Variants in PCDHA10 observed in about 807,000 individuals in gnomAD.
PCDHA10 encodes protocadherin alpha 10.
A neutral mutation model predicts 61.2 loss-of-function variants in PCDHA10; 45 were observed. That is an observed-to-expected ratio of 0.74 (90% CI 0.58 to 0.94). The LOEUF (loss-of-function observed/expected upper bound fraction) is 0.94, where lower values mean the gene tolerates loss of function less well. Among genes scored for constraint, PCDHA10 ranks in the 40% least tolerant of loss-of-function variants. The probability of loss-of-function intolerance (pLI) is 0.00; values close to 1 mark genes in which losing one functional copy is unlikely to be tolerated. For missense variants in PCDHA10, 1,278 were observed against 1,236.2 expected (o/e 1.03, Z -0.51); for synonymous variants, 602 against 548.8 (o/e 1.10, Z -1.35).
chr5:141,011,237 A>G lies in PCDHA10; in HGVS notation c.*1300A>G, dbSNP rs562746586. Reference sequence around the variant, plus strand: ...GATTTTTCAATCTACTAATTCTGTGACTTGTCTTGGTGTGCTAGCCTACAC... The same window carrying G: ...GATTTTTCAATCTACTAATTCTGTGGCTTGTCTTGGTGTGCTAGCCTACAC... On this transcript the variant is annotated 3_prime_UTR_variant, in exon 4 of 4. Transcript: ENST00000307360. The G allele has an allele frequency of 6.5e-6, 1 of 153,754 alleles. No homozygotes were observed. Among genetic ancestry groups the G allele is most frequent in the South Asian group, 2.1e-4 (1 of 4,812 alleles). The allele number at this position is 153,754 out of a possible 1,614,324, so 9.5% of individuals were successfully genotyped here.
At chr5:140,883,570 G>T (rs1554178743) in intron 1 of PCDHA10, 1 of 1,614,098 alleles carries the variant, frequency 6.2e-7, no homozygotes, top group South Asian at 1.1e-5. Context: ...GCTCGCCTTC[G>T]CTGTGGGCCA....
chr5:140,869,750 A>T (rs1467855920), intron 1 of PCDHA10: 1 of 1,613,280 alleles, frequency 6.2e-7, no homozygotes, highest in Non-Finnish European at 8.5e-7. Context: ...ACAGCTACAG[A>T]CGGGGGAAAA....
rs2153691387 is a variant in PCDHA10, at chr5:140,951,014, G to C, written c.2389-27935G>C. Among the ~76,000 whole-genome samples the C allele has an allele frequency of 1.3e-5, 2 of 151,872 alleles. 1 individual carries two copies. Among genetic ancestry groups the C allele is most frequent in the Middle Eastern group, 6.8e-3 (2 of 294 alleles). On this transcript the variant is annotated intron_variant, in intron 1 of 3. Coordinates refer to ENST00000307360, the MANE Select transcript of PCDHA10 (RefSeq NM_018901.4). The stretch of plus-strand genomic sequence containing the variant: ...TTAGCTCCATTTTTCCCAAGATCAG[G>C]CAGTGAGTTTTAATTTCAAATATTA...
intron 1 of PCDHA10, among the ~76,000 whole-genome samples, chr5:140,945,145 T>C (rs1310475283): frequency 2.6e-5 from 4 of 152,128 alleles, no homozygotes; most frequent in African/African-American, 2.4e-5. Flanking sequence ...CAATAGCATT[T>C]CTATACACTA....
rs114851794 is a variant in PCDHA10, at chr5:140,908,247, A to G, written c.2388+49811A>G. ...GTCCTTAGTCTTCTCTTCCTCATCA[A>G]CTGATCATAGGGAACTCCCCATGAG... On this transcript the variant is annotated intron_variant, in intron 1 of 3. Coordinates refer to ENST00000307360, the MANE Select transcript of PCDHA10 (RefSeq NM_018901.4). Among the ~76,000 whole-genome samples, 435 of 152,170 alleles carry G rather than the reference A, an allele frequency of 2.9e-3. 1 individual carries two copies. Among genetic ancestry groups the G allele is most frequent in the African/African-American group, 9.6e-3 (400 of 41,506 alleles).
chr5:140,928,108 G>A (rs782166106), intron 1 of PCDHA10: 5 of 1,614,072 alleles, frequency 3.1e-6, no homozygotes, highest in Admixed American at 3.3e-5. Context: ...CCTGGACCGG[G>A]AGCAGATCAG....
At chr5:140,939,629 A>G (rs1250529725) in intron 1 of PCDHA10, among the ~76,000 whole-genome samples, 5 of 152,248 alleles carry the variant, frequency 3.3e-5, no homozygotes, top group African/African-American at 1.2e-4. Context: ...AAGAAAATCA[A>G]TAAGGGTACT....
chr5:140,877,663 C>T (rs1554169960), intron 1 of PCDHA10: 22 of 1,613,432 alleles, frequency 1.4e-5, no homozygotes, highest in Admixed American at 1.7e-5. Context: ...CACCGTGAGC[C>T]GGTGCGCGCC....
intron 1 of PCDHA10, chr5:140,928,163 C>A: frequency 6.2e-7 from 1 of 1,614,204 alleles, no homozygotes; most frequent in Non-Finnish European, 8.5e-7. Flanking sequence ...GGCTCACCCC[C>A]ACTTAGCACC....
rs550730996 is a variant in PCDHA10, at chr5:140,982,280, G to T, written c.2448-195G>T. The T allele has an allele frequency of 2.1e-5, 21 of 1,007,278 alleles. No homozygotes were observed. The Admixed American group carries it at 5.3e-4, about 25-fold the overall frequency. 62.4% of individuals were successfully genotyped at this position (1,007,278 alleles called of 1,614,324 possible). A position where few individuals can be genotyped will look rare whatever the true frequency, so the allele number is the denominator to read the frequency against. ...GTGTGTTCCTGGAATAGTATAGCAGGCAATAAGTAAGTCAGCAATGCTTCT... is the reference window on the plus strand; with the variant it reads ...GTGTGTTCCTGGAATAGTATAGCAGTCAATAAGTAAGTCAGCAATGCTTCT... On this transcript the variant is annotated intron_variant, in intron 2 of 3. Transcript: ENST00000307360.
intron 1 of PCDHA10, chr5:140,863,757 G>A (rs2048159267): frequency 4.1e-6 from 1 of 243,012 alleles, no homozygotes; most frequent in Non-Finnish European, 8.1e-6. Context: ...CCGGCACTTT[G>A]GGAAGCCGAG....
chr5:140,928,643 T>C (rs2085399261), intron 1 of PCDHA10: 7 of 1,614,222 alleles, frequency 4.3e-6, no homozygotes, highest in Non-Finnish European at 5.9e-6. Context: ...ACAAAAGTGG[T>C]AGCAGAGGAT....
intron 1 of PCDHA10, chr5:140,967,013 G>A: frequency 1.9e-6 from 3 of 1,606,874 alleles, no homozygotes; most frequent in Non-Finnish European, 2.5e-6. Flanking sequence ...CAACCATCTG[G>A]GTGCGCCCAG....
intron 1 of PCDHA10, among the ~76,000 whole-genome samples, chr5:140,977,932 C>T (rs2096781582): frequency 6.6e-6 from 1 of 151,944 alleles, no homozygotes; most frequent in Non-Finnish European, 1.5e-5. Flanking sequence ...TCAACTATAC[C>T]TCAATATTCA....
rs1031755500 is a variant in PCDHA10 at position 140,856,096 on chromosome 5, G to T, written c.48G>T (p.Ser16=). ...TGGGGGTCCAGTGTCTGCTGCTCTC[G>T]CTTCTTCTCCTCGCAGCCTGGGAGG... ...SCLGVQCLLL[S]LLLLAAWEVG... is the part of the protein sequence containing the mutation. The change falls in exon 1 of 4, where the codon TCG becomes TCT. Residue 16 remains serine (S), a synonymous_variant. Transcript: ENST00000307360. 7 of 1,597,458 alleles carry T rather than the reference G, an allele frequency of 4.4e-6. 1 individual carries two copies. The highest frequency in any genetic ancestry group is 6.0e-6 in the Non-Finnish European group (7 of 1,167,222).
chr5:140,862,903 C>T lies in PCDHA10; in HGVS notation c.2388+4467C>T, dbSNP rs7714617. 5.0e-3 allele frequency: 2,780 copies of T among 551,318 alleles called. 56 individuals are homozygous for T. Among genetic ancestry groups the T allele is most frequent in the African/African-American group, 0.05 (2,518 of 50,680 alleles). 34.2% of individuals were successfully genotyped at this position (551,318 alleles called of 1,614,324 possible). ...TGCTGGAACGACAACTTTGTCTGCG[C>T]TGCTGGCGCCTTGGGTGGGCTGGCG... On this transcript the variant is annotated intron_variant, in intron 1 of 3. Transcript: ENST00000307360.
rs139974024 is a variant in PCDHA10 at position 140,967,301 on chromosome 5, G to A, written c.2389-11648G>A. 5.0e-5 allele frequency: 81 copies of A among 1,612,148 alleles called. No homozygotes were observed. In the African/African-American group the frequency reaches 9.1e-4, roughly 18 times the overall value. ...GAGTGCGCAGGACCCCGACGTGGGC[G>A]CCAACTCAGTACAGACCTACGAGCT... On this transcript the variant is annotated intron_variant, in intron 1 of 3. Coordinates refer to ENST00000307360, the MANE Select transcript of PCDHA10 (RefSeq NM_018901.4).
At chr5:140,860,219 A>C (rs2046275185) in intron 1 of PCDHA10, 1 of 151,166 alleles carries the variant, frequency 6.6e-6, no homozygotes, top group South Asian at 2.1e-4. Flanking sequence ...GTACTTATGT[A>C]TATATAAGCC....
intron 1 of PCDHA10, among the ~76,000 whole-genome samples, chr5:140,890,258 A>G (rs2062565845): frequency 6.6e-6 from 1 of 152,030 alleles, no homozygotes; most frequent in East Asian, 1.9e-4. Flanking sequence ...ACTGCACCTG[A>G]TTGCAAGCAA....
Sources: allele counts gnomAD v4.1 joint callset (sites outside exome capture counted in the v4.1 genomes callset), GRCh38; gene constraint gnomAD v4.1.1; transcripts MANE v1.5; gene names NCBI Gene and HGNC (gene_info 2026-07-23, HGNC 2026-07-21).